The following RPS6KC1 variants were observed in gnomAD, a reference collection of about 807,000 sequenced individuals.
RPS6KC1 encodes the protein inactive ribosomal protein S6 kinase delta-1.
A neutral mutation model predicts 103.8 loss-of-function variants in RPS6KC1; 54 were observed. That is an observed-to-expected ratio of 0.52 (90% CI 0.42 to 0.65). The LOEUF (loss-of-function observed/expected upper bound fraction) is 0.65. Among genes scored for constraint, RPS6KC1 ranks in the 30% least tolerant of loss-of-function variants. The probability of loss-of-function intolerance (pLI) is 0.00; values close to 1 mark genes in which losing one functional copy is unlikely to be tolerated. For synonymous variants in RPS6KC1, 439 were observed against 438.7 expected (o/e 1.00, Z -0.01); for missense variants, 1,151 against 1,253.8 (o/e 0.92, Z 1.24).
chr1:213,206,984 G>T (rs755347649), intron 8 of RPS6KC1, among the ~76,000 whole-genome samples: 1 of 152,082 alleles, frequency 6.6e-6, no homozygotes, highest in Non-Finnish European at 1.5e-5. Flanking sequence ...GCTGCTGTGC[G>T]CCTGTAATCC....
the RPS6KC1 span, among the ~76,000 whole-genome samples, chr1:213,463,347 A>G: frequency 1.3e-5 from 2 of 152,196 alleles, no homozygotes; most frequent in Non-Finnish European, 2.9e-5. Flanking sequence ...TTATCAGCTG[A>G]GTGATCTAGC....
intron 8 of RPS6KC1, among the ~76,000 whole-genome samples, chr1:213,206,876 G>C (rs2093364522): frequency 6.6e-6 from 1 of 152,176 alleles, no homozygotes; most frequent in Non-Finnish European, 1.5e-5. Context: ...ACTTTGGGAG[G>C]CCAAGGTGGG....
the RPS6KC1 span, among the ~76,000 whole-genome samples, chr1:213,761,362 T>A: frequency 6.6e-6 from 1 of 152,150 alleles, no homozygotes; most frequent in African/African-American, 2.4e-5. Context: ...CAGCAGCCAA[T>A]ATCTGGGGCA....
chr1:213,529,880 T>C, the RPS6KC1 span, among the ~76,000 whole-genome samples: 119,321 of 152,012 alleles, frequency 0.78, 47,990 homozygotes, highest in East Asian at 0.98. Context: ...CTCCTGTGGA[T>C]CTCAAAGCTA....
the RPS6KC1 span, among the ~76,000 whole-genome samples, chr1:213,374,673 G>A: frequency 6.6e-6 from 1 of 152,346 alleles, no homozygotes; most frequent in East Asian, 1.9e-4. Context: ...CACGTGGAAA[G>A]GTGGTAGAAG....
At chr1:213,339,634 A>T in the RPS6KC1 span, among the ~76,000 whole-genome samples, 3 of 152,198 alleles carry the variant, frequency 2.0e-5, no homozygotes, top group Non-Finnish European at 4.4e-5. Context: ...TTTCATGTTC[A>T]TTACCTCATT....
At chr1:213,558,386 G>C in the RPS6KC1 span, among the ~76,000 whole-genome samples, 1 of 152,198 alleles carries the variant, frequency 6.6e-6, no homozygotes, top group Admixed American at 6.5e-5. Context: ...GAGGAAGGGA[G>C]TAAGGAGCCG....
At chr1:213,618,485 G>T in the RPS6KC1 span, among the ~76,000 whole-genome samples, 4 of 152,204 alleles carry the variant, frequency 2.6e-5, no homozygotes, top group Admixed American at 6.5e-5. Flanking sequence ...CCTATAAGTT[G>T]GGGATTATGC....
Position 213,241,838 on chromosome 1 carries a change from GAT to G in RPS6KC1, c.2365_2366del (p.Met789ValfsTer9), listed in dbSNP as rs765439308. ...AGCTGTTGATCATAGTAGTTCAGGA[GAT>G]ATGTCTTTGTTACCCAGCTCAGATC... ...VAAVDHSSSG[D>X]MSLLPSSDPK... On this transcript the variant is annotated frameshift_variant, in exon 11 of 15. Transcript: ENST00000366960. LOFTEE classifies it high-confidence loss of function. 2.5e-6 allele frequency: 4 copies of G among 1,613,862 alleles called. No individual in the cohort carries two copies. The highest frequency in any genetic ancestry group is 1.3e-5 in the African/African-American group (1 of 74,912).
the RPS6KC1 span, among the ~76,000 whole-genome samples, chr1:213,524,677 G>A: frequency 4.6e-5 from 7 of 152,186 alleles, no homozygotes; most frequent in African/African-American, 1.4e-4. Context: ...CTCATCTGTA[G>A]AATGGAGTTA....
the RPS6KC1 span, among the ~76,000 whole-genome samples, chr1:213,704,295 G>A: frequency 2.0e-5 from 3 of 147,406 alleles, no homozygotes; most frequent in African/African-American, 7.5e-5. Flanking sequence ...GCTGAGGCAG[G>A]AGAATGGCGT....
At chr1:213,687,434 AC>A in the RPS6KC1 span, among the ~76,000 whole-genome samples, 46,455 of 151,992 alleles carry the variant, frequency 0.31, 8,088 homozygotes, top group Admixed American at 0.47. Context: ...TGATGTCCAC[AC>A]CTACTTTTTA....
At chr1:213,322,206 C>T in the RPS6KC1 span, among the ~76,000 whole-genome samples, 5 of 152,016 alleles carry the variant, frequency 3.3e-5, no homozygotes, top group Admixed American at 2.6e-4. Flanking sequence ...CTTAGGAGGC[C>T]GAGGCAGGAG....
the RPS6KC1 span, among the ~76,000 whole-genome samples, chr1:213,490,476 G>A: frequency 6.6e-6 from 1 of 152,148 alleles, no homozygotes; most frequent in Admixed American, 6.5e-5. Context: ...GGTGAAGCGG[G>A]CCTCTGTTTC....
chr1:213,738,978 G>T, the RPS6KC1 span, among the ~76,000 whole-genome samples: 1 of 151,074 alleles, frequency 6.6e-6, no homozygotes, highest in Non-Finnish European at 1.5e-5. Context: ...GAGCCATCTA[G>T]TACTAATTCC....
At chr1:213,373,268 A>G in the RPS6KC1 span, among the ~76,000 whole-genome samples, 14 of 152,346 alleles carry the variant, frequency 9.2e-5, 1 homozygote, top group Admixed American at 5.9e-4. Context: ...CCATCCTTAA[A>G]TCCTGACATC....
intron 2 of RPS6KC1, among the ~76,000 whole-genome samples, chr1:213,076,055 C>T (rs550254748): frequency 6.6e-6 from 1 of 152,176 alleles, no homozygotes; most frequent in Non-Finnish European, 1.5e-5. Flanking sequence ...AGACTGTGAA[C>T]TCTTTGAAGG....
chr1:213,704,039 C>A, the RPS6KC1 span, among the ~76,000 whole-genome samples: 3 of 152,000 alleles, frequency 2.0e-5, 1 homozygote, highest in Admixed American at 2.0e-4. Context: ...TGTATATTTT[C>A]AAATAGCCTG....
chr1:213,394,696 C>T, the RPS6KC1 span, among the ~76,000 whole-genome samples: 1 of 152,188 alleles, frequency 6.6e-6, no homozygotes, highest in Non-Finnish European at 1.5e-5. Flanking sequence ...ATGAACATCA[C>T]AGGGGGAATG....
Sources: allele counts gnomAD v4.1 joint callset (sites outside exome capture counted in the v4.1 genomes callset), GRCh38; gene constraint gnomAD v4.1.1; transcripts MANE v1.5; gene names NCBI Gene and HGNC (gene_info 2026-07-23, HGNC 2026-07-21).